ELAVL3: variants seen among roughly 807,000 people sequenced by gnomAD.
The protein encoded by ELAVL3 is ELAV-like protein 3.
ELAVL3 carries 8 observed loss-of-function variants against 34.2 expected under a neutral mutation model. That is an observed-to-expected ratio of 0.23 (90% CI 0.14 to 0.42). ELAVL3 has a LOEUF of 0.42. Among genes scored for constraint, ELAVL3 ranks in the 10% least tolerant of loss-of-function variants. The probability of loss-of-function intolerance (pLI) is 1.00; values close to 1 mark genes in which losing one functional copy is unlikely to be tolerated. For missense variants in ELAVL3, 273 were observed against 518.8 expected (o/e 0.53, Z 4.60); for synonymous variants, 209 against 222.1 (o/e 0.94, Z 0.53).
chr19:11,472,830 C>T (rs1971191319), intron 1 of ELAVL3, among the ~76,000 whole-genome samples: 1 of 151,998 alleles, frequency 6.6e-6, no homozygotes, highest in Non-Finnish European at 1.5e-5. Context: ...TTTGGGAGAC[C>T]AAGGGGGGGT....
At position 11,457,212 on chromosome 19, in the gene ELAVL3, C is replaced by A. The variant is rs567948974; in HGVS notation, c.714-64G>T. The A allele has an allele frequency of 4.7e-6, 7 of 1,489,520 alleles. No individual in the cohort carries two copies. In the African/African-American group the frequency reaches 8.7e-5, roughly 19 times the overall value. The allele number at this position is 1,489,520 out of a possible 1,614,324, so 92.3% of individuals were successfully genotyped here. A position where few individuals can be genotyped will look rare whatever the true frequency, so the allele number is the denominator to read the frequency against. On this transcript the variant is annotated intron_variant, in intron 5 of 6. Transcript: ENST00000359227. The stretch of plus-strand genomic sequence containing the variant: ...TCACGCCCCCCTGCTGTGACACCGT[C>A]GGCCTGCCCTCCCCACCCCCACCCA...
intron 1 of ELAVL3, among the ~76,000 whole-genome samples, chr19:11,479,637 C>T (rs905043210): frequency 1.5e-4 from 22 of 151,404 alleles, no homozygotes; most frequent in Non-Finnish European, 1.5e-4. Context: ...CGAGGCCGGG[C>T]CCCCGGGGCC....
intron 1 of ELAVL3, among the ~76,000 whole-genome samples, chr19:11,478,525 G>A (rs1971306231): frequency 6.6e-6 from 1 of 152,128 alleles, no homozygotes; most frequent in African/African-American, 2.4e-5. Flanking sequence ...GGCAAAGTCA[G>A]GGAGGAGGAG....
chr19:11,471,750 G>C (rs964590446), intron 1 of ELAVL3, among the ~76,000 whole-genome samples: 1 of 152,030 alleles, frequency 6.6e-6, no homozygotes, highest in African/African-American at 2.4e-5. Context: ...CACTGAACCT[G>C]GCCCAATTTT....
At chr19:11,479,402 G>A (rs1599554412) in intron 1 of ELAVL3, among the ~76,000 whole-genome samples, 1 of 152,126 alleles carries the variant, frequency 6.6e-6, no homozygotes, top group East Asian at 1.9e-4. Context: ...TCGAAAAAGG[G>A]GCCCGGAAAG....
chr19:11,480,212 C>A lies in ELAVL3; in HGVS notation c.9+388G>T. 4.7e-6 allele frequency: 1 copy of A among 212,184 alleles called. No homozygotes were observed. Among genetic ancestry groups the A allele is most frequent in the Admixed American group, 5.9e-5 (1 of 16,924 alleles). The allele number at this position is 212,184 out of a possible 1,614,324, so 13.1% of individuals were successfully genotyped here. The stretch of plus-strand genomic sequence containing the variant: ...TCTCGGGGACGCTTTGTCGCTTTGG[C>A]TTGGCCCAGCACCAGTGATCGGGCC... On this transcript the variant is annotated intron_variant, in intron 1 of 6. Coordinates refer to ENST00000359227, the MANE Select transcript of ELAVL3 (RefSeq NM_001420.4). This position sits in a 1 kb window ranked among gnomAD's most constrained non-coding sequence, Gnocchi z 6.8.
rs566267500 is a variant in ELAVL3, at chr19:11,455,299, ATTTTTTT to A, written c.753-429_753-423del. Among the ~76,000 whole-genome samples the A allele has an allele frequency of 7.3e-5, 9 of 123,020 alleles. No individual in the cohort carries two copies. In the East Asian group the frequency reaches 2.0e-3, roughly 27 times the overall value. 80.7% of individuals were successfully genotyped at this position (123,020 alleles called of 152,430 possible). A position where few individuals can be genotyped will look rare whatever the true frequency, so the allele number is the denominator to read the frequency against. ...ACAGGTGCACCACTATGCCCCACTA[ATTTTTTT>A]TTTTTTTTTTCTGAGACGGGGTCTT... On this transcript the variant is annotated intron_variant, in intron 6 of 6. Coordinates refer to ENST00000359227, the MANE Select transcript of ELAVL3 (RefSeq NM_001420.4).
chr19:11,472,293 C>T (rs1339545252), intron 1 of ELAVL3, among the ~76,000 whole-genome samples: 3 of 152,160 alleles, frequency 2.0e-5, no homozygotes, highest in Admixed American at 1.3e-4. Flanking sequence ...TTGCAGTGAG[C>T]CAAGATCGCA....
intron 3 of ELAVL3, among the ~76,000 whole-genome samples, chr19:11,463,923 C>T (rs1033613704): frequency 2.6e-5 from 4 of 151,346 alleles, no homozygotes; most frequent in South Asian, 2.1e-4. Flanking sequence ...GGGCCGAGAT[C>T]GCGCCATTGC....
intron 3 of ELAVL3, among the ~76,000 whole-genome samples, chr19:11,464,733 ACAC>A (rs1970982724): frequency 7.4e-6 from 1 of 134,708 alleles, no homozygotes; most frequent in African/African-American, 2.9e-5. Flanking sequence ...CATCACACAC[ACAC>A]CACACACATA....
At chr19:11,464,103 C>G (rs1054594277) in intron 3 of ELAVL3, among the ~76,000 whole-genome samples, 32 of 143,496 alleles carry the variant, frequency 2.2e-4, no homozygotes, top group Non-Finnish European at 3.6e-4. Context: ...CTCTCCCTCT[C>G]TCTCTCTCTG....
At chr19:11,474,336 T>G (rs920178636) in intron 1 of ELAVL3, among the ~76,000 whole-genome samples, 3 of 152,042 alleles carry the variant, frequency 2.0e-5, no homozygotes, top group African/African-American at 7.2e-5. Flanking sequence ...GTTGCTCACG[T>G]CTGTAATCCC....
intron 3 of ELAVL3, among the ~76,000 whole-genome samples, chr19:11,462,976 AAAAG>A (rs60204310): frequency 0.033 from 4,932 of 150,006 alleles, 214 homozygotes; most frequent in African/African-American, 0.12. Context: ...AAAAAAAAAA[AAAAG>A]AAAGAAAGAA....
rs374142209 is a variant in ELAVL3, at chr19:11,465,854, A to G, written c.333+318T>C. Among the ~76,000 whole-genome samples the G allele has an allele frequency of 3.2e-3, 481 of 151,008 alleles. 5 individuals are homozygous for G. Among genetic ancestry groups the G allele is most frequent in the Non-Finnish European group, 5.6e-3 (381 of 67,694 alleles). On this transcript the variant is annotated intron_variant, in intron 3 of 6. Coordinates refer to ENST00000359227, the MANE Select transcript of ELAVL3 (RefSeq NM_001420.4). ...CAGATGGGCCCCCACCCCCATTTCC[A>G]TGACAAAAGCAGGGAGGGGACTGCT...
At chr19:11,469,470 G>A (rs1971121254) in intron 1 of ELAVL3, among the ~76,000 whole-genome samples, 1 of 151,834 alleles carries the variant, frequency 6.6e-6, no homozygotes, top group South Asian at 2.1e-4. Flanking sequence ...AGTAGAGGCG[G>A]GGTTTCTCCA....
chr19:11,459,519 C>T (rs1251461004), intron 3 of ELAVL3, among the ~76,000 whole-genome samples: 1 of 151,664 alleles, frequency 6.6e-6, no homozygotes, highest in African/African-American at 2.4e-5. Context: ...CGCCCGCCTC[C>T]GCCTCCCAAA....
Position 11,451,515 on chromosome 19 carries a change from T to A in ELAVL3, c.*3011A>T, listed in dbSNP as rs1442548007. On this transcript the variant is annotated 3_prime_UTR_variant, in exon 7 of 7. Coordinates refer to ENST00000359227, the MANE Select transcript of ELAVL3 (RefSeq NM_001420.4). Reference sequence around the variant, plus strand: ...TTGTCTTTTTTTTTTTTTTTTTTTTTACAGTTTTTTATCACCTCCAACATG... The same window carrying A: ...TTGTCTTTTTTTTTTTTTTTTTTTTAACAGTTTTTTATCACCTCCAACATG... The A allele has an allele frequency of 4.8e-5, 7 of 145,698 alleles. No individual in the cohort carries two copies. The highest frequency in any genetic ancestry group is 7.5e-5 in the Non-Finnish European group (5 of 66,430). 9.0% of individuals were successfully genotyped at this position (145,698 alleles called of 1,614,324 possible). A position where few individuals can be genotyped will look rare whatever the true frequency, so the allele number is the denominator to read the frequency against.
At chr19:11,467,346 C>T (rs1396213384) in intron 1 of ELAVL3, among the ~76,000 whole-genome samples, 3 of 151,826 alleles carry the variant, frequency 2.0e-5, no homozygotes, top group Non-Finnish European at 2.9e-5. Flanking sequence ...TGCTTGAACC[C>T]GGGAGGCGGA....
chr19:11,456,128 C>T (rs143076301), intron 6 of ELAVL3, among the ~76,000 whole-genome samples: 3,511 of 151,058 alleles, frequency 0.023, 68 homozygotes, highest in Non-Finnish European at 0.035. Context: ...CTTTTTGAGA[C>T]GGAATCTCAC....
Sources: allele counts gnomAD v4.1 joint callset (sites outside exome capture counted in the v4.1 genomes callset), GRCh38; gene constraint gnomAD v4.1.1; non-coding constraint Gnocchi (gnomAD v3.1); transcripts MANE v1.5; gene names NCBI Gene and HGNC (gene_info 2026-07-23, HGNC 2026-07-21).